The following SLC4A10 variants were observed in gnomAD, a reference collection of about 807,000 sequenced individuals.
SLC4A10 encodes the protein sodium-driven chloride bicarbonate exchanger.
A neutral mutation model predicts 137.7 loss-of-function variants in SLC4A10; 42 were observed. The observed-to-expected ratio is 0.30, with a 90% confidence interval of 0.24 to 0.39. SLC4A10 has a LOEUF of 0.39. Ranked by LOEUF, SLC4A10 falls within the 10% of genes least tolerant of loss-of-function variation. The pLI, the probability that SLC4A10 is intolerant of heterozygous loss-of-function variation, is 1.00. For missense variants in SLC4A10, 925 were observed against 1,355.0 expected (o/e 0.68, Z 4.98); for synonymous variants, 474 against 464.1 (o/e 1.02, Z -0.27).
rs551661876 is a variant in SLC4A10 at position 161,768,789 on chromosome 2, T to C, written c.49-2184T>C. On this transcript the variant is annotated intron_variant, in intron 1 of 26. Coordinates refer to ENST00000446997, the MANE Select transcript of SLC4A10 (RefSeq NM_001178015.2). ...TAACTACACCCATCTTTAGTGATTA[T>C]GTGCTGTCTTTTGGCCCCTGTCCTG... 3.3e-5 allele frequency among the ~76,000 whole-genome samples: 5 copies of C among 152,144 alleles called. No homozygotes were observed. In the South Asian group the frequency reaches 1.0e-3, roughly 32 times the overall value.
chr2:161,908,657 G>T (rs577006598), intron 15 of SLC4A10, among the ~76,000 whole-genome samples: 121 of 151,772 alleles, frequency 8.0e-4, no homozygotes, highest in Admixed American at 2.2e-3. Flanking sequence ...AAGCCAGTTT[G>T]CAAAAACTAA....
chr2:161,764,086 A>G (rs749303398), intron 1 of SLC4A10, among the ~76,000 whole-genome samples: 3 of 152,142 alleles, frequency 2.0e-5, no homozygotes, highest in Non-Finnish European at 2.9e-5. Flanking sequence ...TTATAATAGT[A>G]AAAGAGTGGT....
chr2:161,812,317 C>A (rs777389920), intron 3 of SLC4A10, among the ~76,000 whole-genome samples: 1 of 152,026 alleles, frequency 6.6e-6, no homozygotes, highest in Non-Finnish European at 1.5e-5. Context: ...TGAAGACTTT[C>A]TTTGCTCATA....
At chr2:161,928,814 G>T (rs1019030600) in intron 15 of SLC4A10, among the ~76,000 whole-genome samples, 5 of 151,914 alleles carry the variant, frequency 3.3e-5, no homozygotes, top group Non-Finnish European at 7.4e-5. Context: ...TATGCCATGC[G>T]TATAGCAACT....
chr2:161,771,828 T>C (rs946675169), intron 2 of SLC4A10, among the ~76,000 whole-genome samples: 4 of 151,876 alleles, frequency 2.6e-5, no homozygotes, highest in African/African-American at 9.7e-5. Flanking sequence ...ACTAATGAGA[T>C]ACAAGGTATA....
chr2:161,836,108 G>A (rs1429588112), intron 3 of SLC4A10, among the ~76,000 whole-genome samples: 1 of 152,250 alleles, frequency 6.6e-6, no homozygotes, highest in Non-Finnish European at 1.5e-5. Flanking sequence ...AAGACAAGCT[G>A]TGGCTATTGT....
chr2:161,682,363 C>A (rs1307639505), intron 1 of SLC4A10, among the ~76,000 whole-genome samples: 1 of 151,906 alleles, frequency 6.6e-6, no homozygotes, highest in Non-Finnish European at 1.5e-5. Flanking sequence ...AGTGAGTATA[C>A]ATTATGTTTT....
At chr2:161,721,732 G>A (rs2045700513) in intron 1 of SLC4A10, among the ~76,000 whole-genome samples, 1 of 152,186 alleles carries the variant, frequency 6.6e-6, no homozygotes, top group Non-Finnish European at 1.5e-5. Flanking sequence ...ATGTTGGCCT[G>A]TCTTGCTAGG....
intron 15 of SLC4A10, among the ~76,000 whole-genome samples, chr2:161,932,694 C>G (rs1302296499): frequency 1.3e-5 from 2 of 152,134 alleles, no homozygotes; most frequent in African/African-American, 4.8e-5. Flanking sequence ...GATCTGCCTC[C>G]TACTTATCTT....
chr2:161,950,948 T>C, intron 19 of SLC4A10, 100 bp downstream of exon 19: 1 of 949,374 alleles, frequency 1.1e-6, no homozygotes, highest in Non-Finnish European at 1.5e-6. Flanking sequence ...CACAGTGAAA[T>C]ATATAAAATA....
chr2:161,945,377 T>A (rs1417206475), intron 16 of SLC4A10, among the ~76,000 whole-genome samples: 3 of 151,384 alleles, frequency 2.0e-5, no homozygotes, highest in Non-Finnish European at 4.4e-5. Context: ...AGGACACTAA[T>A]GCCAACTTTA....
At chr2:161,822,211 G>A (rs2057682822) in intron 3 of SLC4A10, among the ~76,000 whole-genome samples, 1 of 152,186 alleles carries the variant, frequency 6.6e-6, no homozygotes, top group African/African-American at 2.4e-5. Context: ...ATTGAGATTT[G>A]GGGGTTGGAT....
intron 1 of SLC4A10, among the ~76,000 whole-genome samples, chr2:161,630,797 T>A (rs2033398337): frequency 6.6e-6 from 1 of 151,788 alleles, no homozygotes; most frequent in Non-Finnish European, 1.5e-5. Flanking sequence ...AAGTTGCTAA[T>A]GTTTTCCAGC....
intron 5 of SLC4A10, among the ~76,000 whole-genome samples, chr2:161,855,463 T>G (rs1032538375): frequency 2.6e-5 from 4 of 152,082 alleles, no homozygotes; most frequent in Non-Finnish European, 5.9e-5. Flanking sequence ...TTTTCAATAT[T>G]CAAACATATG....
rs1283937307 is a variant in SLC4A10 at position 161,875,862 on chromosome 2, G to A, written c.948+1857G>A. On this transcript the variant is annotated intron_variant, in intron 8 of 26. Transcript: ENST00000446997. Reference sequence around the variant, plus strand: ...AAGAGAGCTGCTCAAGATCACTGGCGAGTTAGTGTCAAGACACCATTTCTT... The same window carrying A: ...AAGAGAGCTGCTCAAGATCACTGGCAAGTTAGTGTCAAGACACCATTTCTT... Among the ~76,000 whole-genome samples the A allele has an allele frequency of 2.6e-5, 4 of 152,144 alleles. No individual in the cohort carries two copies. In the South Asian group the frequency reaches 6.2e-4, roughly 24 times the overall value.
rs544900036 is a variant in SLC4A10 at position 161,911,400 on chromosome 2, G to T, written c.1997+5513G>T. Reference sequence around the variant, plus strand: ...AAAAAAAGGCAAGAGAAACTGGAGTGCAATTTATAGCGGAACTCCCAAGGG... The same window carrying T: ...AAAAAAAGGCAAGAGAAACTGGAGTTCAATTTATAGCGGAACTCCCAAGGG... On this transcript the variant is annotated intron_variant, in intron 15 of 26. Coordinates refer to ENST00000446997, the MANE Select transcript of SLC4A10 (RefSeq NM_001178015.2). Among the ~76,000 whole-genome samples, 5 of 152,136 alleles carry T rather than the reference G, an allele frequency of 3.3e-5. No homozygotes were observed. In the East Asian group the frequency reaches 9.6e-4, roughly 29 times the overall value.
chr2:161,697,153 T>G (rs1340725714), intron 1 of SLC4A10, among the ~76,000 whole-genome samples: 1 of 151,568 alleles, frequency 6.6e-6, no homozygotes, highest in African/African-American at 2.4e-5. Context: ...TGATGGGGTT[T>G]TTTGTTTTTT....
intron 16 of SLC4A10, among the ~76,000 whole-genome samples, chr2:161,946,798 T>A (rs1913807): frequency 6.6e-6 from 1 of 151,908 alleles, no homozygotes; most frequent in Non-Finnish European, 1.5e-5. Context: ...GAAAAAATAA[T>A]CCATGGAGAA....
At chr2:161,865,781 C>T (rs975708640) in intron 6 of SLC4A10, among the ~76,000 whole-genome samples, 1 of 151,812 alleles carries the variant, frequency 6.6e-6, no homozygotes, top group Non-Finnish European at 1.5e-5. Flanking sequence ...GATATATAAA[C>T]AAATTGAAAT....
Sources: gnomAD v4.1 joint callset for allele counts (sites outside exome capture counted in the v4.1 genomes callset) on GRCh38, gnomAD v4.1.1 for gene constraint, MANE v1.5 for transcripts, NCBI Gene and HGNC (gene_info 2026-07-23, HGNC 2026-07-21) for gene names.